The following NEGR1 variants were observed in gnomAD, a reference collection of about 807,000 sequenced individuals.
The protein encoded by NEGR1 is neuronal growth regulator 1.
Under a neutral mutation model 40.9 loss-of-function variants are expected in NEGR1, and 10 were observed. The ratio of observed to expected loss-of-function variants is 0.24; its 90% CI spans 0.15 to 0.42. NEGR1 has a LOEUF of 0.42. Among genes scored for constraint, NEGR1 ranks in the 10% least tolerant of loss-of-function variants. NEGR1 has a pLI of 1.00. For missense variants in NEGR1, 352 were observed against 438.9 expected, an observed-to-expected ratio of 0.80 and a Z score of 1.77; for synonymous variants, 185 against 166.8, an observed-to-expected ratio of 1.11 and a Z score of -0.84.
intron 2 of NEGR1, among the ~76,000 whole-genome samples, chr1:71,930,026 G>T (rs1329373126): frequency 6.6e-6 from 1 of 151,992 alleles, no homozygotes; most frequent in Non-Finnish European, 1.5e-5. Context: ...ACGACTAATT[G>T]GGAGAAATAA....
intron 2 of NEGR1, among the ~76,000 whole-genome samples, chr1:71,917,454 C>G (rs993459324): frequency 6.6e-6 from 1 of 152,104 alleles, no homozygotes; most frequent in African/African-American, 2.4e-5. Flanking sequence ...TCTCTTTGAT[C>G]TTGATAAGGC....
chr1:71,734,556 A>G (rs1203682172), intron 3 of NEGR1, among the ~76,000 whole-genome samples: 2 of 152,066 alleles, frequency 1.3e-5, no homozygotes, highest in Non-Finnish European at 2.9e-5. Flanking sequence ...ACAATGGCTT[A>G]TCCCTTTTTG....
At chr1:71,695,951 G>C (rs116399515) in intron 4 of NEGR1, among the ~76,000 whole-genome samples, 5 of 151,678 alleles carry the variant, frequency 3.3e-5, no homozygotes, top group African/African-American at 1.2e-4. Flanking sequence ...AACCCACTAT[G>C]TACAGTTGTC....
intron 2 of NEGR1, among the ~76,000 whole-genome samples, chr1:71,874,090 A>G (rs952877439): frequency 3.7e-4 from 57 of 152,138 alleles, no homozygotes; most frequent in African/African-American, 1.3e-3. Flanking sequence ...GTATCCTAAT[A>G]GGTTTGGTGC....
chr1:72,183,487 G>C (rs542421824), intron 1 of NEGR1, among the ~76,000 whole-genome samples: 9 of 152,120 alleles, frequency 5.9e-5, no homozygotes, highest in African/African-American at 2.2e-4. Context: ...GTCTCTTCCT[G>C]TCTGTTCTGC....
chr1:71,434,558 C>T (rs1460213680), intron 6 of NEGR1, among the ~76,000 whole-genome samples: 1 of 152,064 alleles, frequency 6.6e-6, no homozygotes, highest in Non-Finnish European at 1.5e-5. Flanking sequence ...TCTCGAGGTT[C>T]TTGTGTTTAT....
chr1:72,088,769 C>A (rs1381229539), intron 1 of NEGR1, among the ~76,000 whole-genome samples: 1 of 140,966 alleles, frequency 7.1e-6, no homozygotes, highest in Middle Eastern at 3.8e-3. Flanking sequence ...GACTGTAAAA[C>A]AATGTATAAT....
At chr1:71,582,226 T>C (rs1649164316) in intron 6 of NEGR1, among the ~76,000 whole-genome samples, 3 of 152,094 alleles carry the variant, frequency 2.0e-5, no homozygotes, top group Admixed American at 2.0e-4. Context: ...TAATGTACAA[T>C]TGATATACAG....
chr1:71,456,907 TGA>T (rs1222957719), intron 6 of NEGR1, among the ~76,000 whole-genome samples: 1 of 152,194 alleles, frequency 6.6e-6, no homozygotes. Flanking sequence ...TGAAATGGGA[TGA>T]AGAACTAACT....
intron 2 of NEGR1, among the ~76,000 whole-genome samples, chr1:71,782,902 G>T (rs1359892297): frequency 2.6e-5 from 4 of 152,014 alleles, no homozygotes; most frequent in African/African-American, 9.7e-5. Flanking sequence ...TGCAAACCCA[G>T]AGAAATAACT....
chr1:71,685,067 A>C (rs921690596), intron 4 of NEGR1, among the ~76,000 whole-genome samples: 1 of 152,194 alleles, frequency 6.6e-6, no homozygotes, highest in Non-Finnish European at 1.5e-5. Context: ...GTATTAAAGC[A>C]CAAACCCAGT....
intron 6 of NEGR1, among the ~76,000 whole-genome samples, chr1:71,460,962 G>A (rs925408997): frequency 1.3e-5 from 2 of 151,180 alleles, no homozygotes; most frequent in Non-Finnish European, 2.9e-5. Context: ...CCACATCATT[G>A]CCAAATAATT....
intron 6 of NEGR1, among the ~76,000 whole-genome samples, chr1:71,507,722 A>G (rs1436301283): frequency 2.0e-5 from 3 of 152,184 alleles, no homozygotes; most frequent in Non-Finnish European, 4.4e-5. Flanking sequence ...CTGGTGAAAA[A>G]TATTAATTTG....
intron 2 of NEGR1, among the ~76,000 whole-genome samples, chr1:71,875,827 G>A (rs953735283): frequency 5.3e-5 from 8 of 152,038 alleles, no homozygotes; most frequent in East Asian, 1.9e-4. Flanking sequence ...ATGACTCTTC[G>A]CTTGAGTATT....
chr1:71,774,872 T>C (rs772720401), intron 3 of NEGR1, among the ~76,000 whole-genome samples: 4 of 152,172 alleles, frequency 2.6e-5, no homozygotes, highest in Non-Finnish European at 5.9e-5. Flanking sequence ...TGATGATGAC[T>C]AAGGTCGACT....
At chr1:71,865,057 C>T (rs1341557271) in intron 2 of NEGR1, among the ~76,000 whole-genome samples, 2 of 152,036 alleles carry the variant, frequency 1.3e-5, no homozygotes, top group Non-Finnish European at 2.9e-5. Flanking sequence ...AAAAGAAGTT[C>T]AAGGTGAGAT....
At chr1:71,770,182 G>A (rs530380811) in intron 3 of NEGR1, among the ~76,000 whole-genome samples, 1 of 152,270 alleles carries the variant, frequency 6.6e-6, no homozygotes, top group South Asian at 2.1e-4. Flanking sequence ...GAAGCAGTAG[G>A]ATCACATGTA....
intron 1 of NEGR1, among the ~76,000 whole-genome samples, chr1:72,255,008 T>C (rs1267124638): frequency 6.6e-6 from 1 of 152,200 alleles, no homozygotes; most frequent in African/African-American, 2.4e-5. Flanking sequence ...TTTATGTGTT[T>C]TCCACCCATT....
chr1:71,851,542 A>G (rs750816613), intron 2 of NEGR1, among the ~76,000 whole-genome samples: 3 of 152,158 alleles, frequency 2.0e-5, no homozygotes, highest in Non-Finnish European at 4.4e-5. Flanking sequence ...TATAAGCTCC[A>G]ACTATGCACA....
Sources: gnomAD v4.1 joint callset for allele counts (sites outside exome capture counted in the v4.1 genomes callset) on GRCh38, gnomAD v4.1.1 for gene constraint, MANE v1.5 for transcripts, NCBI Gene and HGNC (gene_info 2026-07-23, HGNC 2026-07-21) for gene names.